The following SCG3 variants were observed in gnomAD, a reference collection of about 807,000 sequenced individuals.
The protein encoded by SCG3 is secretogranin III.
Under a neutral mutation model 56.2 loss-of-function variants are expected in SCG3, and 38 were observed. The observed-to-expected ratio is 0.68, with a 90% CI of 0.52 to 0.89. SCG3 has a LOEUF of 0.89. Ranked by LOEUF, SCG3 falls within the 40% of genes least tolerant of loss-of-function variation. SCG3 has a pLI of 0.00. For missense variants in SCG3, 524 were observed against 540.7 expected (o/e 0.97, Z 0.31); for synonymous variants, 176 against 184.2 (o/e 0.96, Z 0.36).
chr15:51,699,792 T>A (rs1457284473), intron 9 of SCG3, among the ~76,000 whole-genome samples: 1 of 152,038 alleles, frequency 6.6e-6, no homozygotes, highest in African/African-American at 2.4e-5. Context: ...ACTGCCCGCC[T>A]CCCGCTCTCC....
chr15:51,707,295 A>T (rs2055382479), intron 10 of SCG3, among the ~76,000 whole-genome samples: 1 of 152,208 alleles, frequency 6.6e-6, no homozygotes. Context: ...GGAGCCAGAA[A>T]AGTTAGCCTA....
At chr15:51,709,887 ATTTTTTTT>A (rs67775073) in intron 10 of SCG3, among the ~76,000 whole-genome samples, 3 of 84,812 alleles carry the variant, frequency 3.5e-5, no homozygotes, top group African/African-American at 4.9e-5. Context: ...CGCCCGGCTA[ATTTTTTTT>A]TTTTTTTTTT....
chr15:51,718,199 T>TAGACAGAC (rs3078130), intron 11 of SCG3, among the ~76,000 whole-genome samples: 4,131 of 148,976 alleles, frequency 0.028, 160 homozygotes, highest in African/African-American at 0.086. Context: ...GATAGATAGA[T>TAGACAGAC]AGACAGACAG....
chr15:51,712,579 C>T (rs1193142571), intron 10 of SCG3, among the ~76,000 whole-genome samples: 1 of 152,172 alleles, frequency 6.6e-6, no homozygotes, highest in Non-Finnish European at 1.5e-5. Flanking sequence ...CCTTAGCCTA[C>T]TCACTTCGCC....
At chr15:51,716,924 T>C (rs934972984) in intron 11 of SCG3, among the ~76,000 whole-genome samples, 1 of 152,182 alleles carries the variant, frequency 6.6e-6, no homozygotes, top group African/African-American at 2.4e-5. Context: ...CTCTTAGGGT[T>C]CAGTTAATTT....
intron 10 of SCG3, among the ~76,000 whole-genome samples, chr15:51,704,271 AT>A (rs2055359044): frequency 3.7e-5 from 5 of 133,550 alleles, no homozygotes; most frequent in South Asian, 2.3e-4. Flanking sequence ...ATATATATAT[AT>A]ATATATAAAA....
chr15:51,696,121 C>G (rs575873642), intron 8 of SCG3, 130 bp downstream of exon 8: 9 of 706,062 alleles, frequency 1.3e-5, no homozygotes, highest in Non-Finnish European at 2.3e-5. Context: ...AAGAATCGAC[C>G]AGTTTGATAA....
chr15:51,710,878 G>A (rs536494121), intron 10 of SCG3, among the ~76,000 whole-genome samples: 1 of 151,518 alleles, frequency 6.6e-6, no homozygotes, highest in African/African-American at 2.4e-5. Context: ...TCACAGGTGT[G>A]AGCCACAGAG....
At chr15:51,688,141 A>C in intron 4 of SCG3, 119 bp from the exon 5 acceptor site, 3 of 999,390 alleles carry the variant, frequency 3.0e-6, no homozygotes, top group Non-Finnish European at 4.2e-6. Context: ...GAGAACCACC[A>C]TAAATACATT....
intron 4 of SCG3, among the ~76,000 whole-genome samples, chr15:51,687,871 C>G (rs149322228): frequency 2.6e-5 from 4 of 152,228 alleles, no homozygotes; most frequent in African/African-American, 9.6e-5. Context: ...CTGTATGGAA[C>G]TGGAATATCA....
At chr15:51,699,718 G>A (rs1040247796) in intron 9 of SCG3, among the ~76,000 whole-genome samples, 2 of 151,932 alleles carry the variant, frequency 1.3e-5, no homozygotes, top group Non-Finnish European at 2.9e-5. Context: ...TCTCCTTTAG[G>A]TATCTTCTCT....
intron 4 of SCG3, among the ~76,000 whole-genome samples, chr15:51,687,186 C>T (rs1384953979): frequency 1.3e-5 from 2 of 152,144 alleles, no homozygotes; most frequent in African/African-American, 4.8e-5. Context: ...TAGGTTGGTG[C>T]AAAAGTAATC....
At chr15:51,696,487 G>T (rs1424286349) in intron 8 of SCG3, among the ~76,000 whole-genome samples, 5 of 152,094 alleles carry the variant, frequency 3.3e-5, no homozygotes, top group African/African-American at 1.2e-4. Context: ...GGAGGCTGAG[G>T]TTGCAGTGAG....
intron 6 of SCG3, among the ~76,000 whole-genome samples, chr15:51,690,667 T>A (rs1435861043): frequency 4.6e-5 from 7 of 151,974 alleles, no homozygotes; most frequent in Admixed American, 4.6e-4. Context: ...AAAAAAACCC[T>A]TATGACTTTT....
Position 51,683,276 on chromosome 15 carries a change from C to G in SCG3, c.239C>G (p.Ala80Gly), listed in dbSNP as rs1707875674. ...GTTGATAACTTGAACCTGCTAAAGG[C>G]AATAACAGAAAAGGAAAAAATTGAG... ...SFVDNLNLLK[A>G]ITEKEKIEKE... Residue 80 changes from alanine (A) to glycine (G), a missense_variant, in exon 4 of 12, where the codon GCA becomes GGA. Coordinates refer to ENST00000220478, the MANE Select transcript of SCG3 (RefSeq NM_013243.4). 1 of 1,613,716 alleles carries G rather than the reference C, an allele frequency of 6.2e-7. No individual in the cohort carries two copies. The highest frequency in any genetic ancestry group is 8.5e-7 in the Non-Finnish European group (1 of 1,179,844).
intron 8 of SCG3, among the ~76,000 whole-genome samples, chr15:51,696,751 A>T (rs1745866605): frequency 6.6e-6 from 1 of 152,076 alleles, no homozygotes; most frequent in African/African-American, 2.4e-5. Flanking sequence ...CACGCTTTTA[A>T]ACAATCAGAT....
chr15:51,690,262 G>A (rs1567217204), intron 6 of SCG3, among the ~76,000 whole-genome samples: 1 of 152,066 alleles, frequency 6.6e-6, no homozygotes, highest in South Asian at 2.1e-4. Context: ...CCCTTTGTTG[G>A]ACTCCTTGCG....
intron 10 of SCG3, among the ~76,000 whole-genome samples, chr15:51,708,752 G>A (rs565593748): frequency 1.3e-5 from 2 of 152,076 alleles, no homozygotes; most frequent in South Asian, 2.1e-4. Flanking sequence ...CAGCTACTCC[G>A]GAGGCTTGAG....
At chr15:51,717,690 CT>C (rs953029062) in intron 11 of SCG3, among the ~76,000 whole-genome samples, 2 of 152,164 alleles carry the variant, frequency 1.3e-5, no homozygotes, top group African/African-American at 4.8e-5. Context: ...AGCTTCCATC[CT>C]TGTGGAGCTG....
Sources: gnomAD v4.1 joint callset for allele counts (sites outside exome capture counted in the v4.1 genomes callset) on GRCh38, gnomAD v4.1.1 for gene constraint, MANE v1.5 for transcripts, NCBI Gene and HGNC (gene_info 2026-07-23, HGNC 2026-07-21) for gene names.